NPSR1: variants seen among roughly 807,000 people sequenced by gnomAD.
NPSR1 encodes the protein neuropeptide S receptor.
NPSR1 carries 48 observed loss-of-function variants against 46.9 expected under a neutral mutation model. The observed-to-expected ratio is 1.02, with a 90% confidence interval of 0.81 to 1.30. The LOEUF (loss-of-function observed/expected upper bound fraction) is 1.30, where lower values mean the gene tolerates loss of function less well. Among genes scored for constraint, NPSR1 ranks in the 50% most tolerant of loss-of-function variants. The pLI is 0.00. For missense variants in NPSR1, 450 were observed against 449.5 expected (o/e 1.00, Z -0.01); for synonymous variants, 176 against 168.1 (o/e 1.05, Z -0.36).
intron 8 of NPSR1, among the ~76,000 whole-genome samples, chr7:34,872,788 C>G: frequency 6.6e-6 from 1 of 151,734 alleles, no homozygotes; most frequent in East Asian, 1.9e-4. Context: ...CCCCATGATT[C>G]AATTATCTCA....
At chr7:34,774,224 C>A (rs1367369310) in intron 2 of NPSR1, among the ~76,000 whole-genome samples, 2 of 152,178 alleles carry the variant, frequency 1.3e-5, no homozygotes, top group Admixed American at 6.5e-5. Context: ...AAGGAACTAA[C>A]CCATTGTCAG....
intron 3 of NPSR1, among the ~76,000 whole-genome samples, chr7:34,787,388 T>G (rs1787513147): frequency 6.6e-6 from 1 of 152,154 alleles, no homozygotes; most frequent in African/African-American, 2.4e-5. Context: ...TTGCAACTAG[T>G]TTGATCATAT....
intron 2 of NPSR1, among the ~76,000 whole-genome samples, chr7:34,729,533 CTG>C (rs1412512937): frequency 2.0e-5 from 3 of 151,648 alleles, no homozygotes; most frequent in Non-Finnish European, 2.9e-5. Flanking sequence ...AAAGATATAA[CTG>C]AAAAAATGAA....
At chr7:34,718,527 G>T (rs1021707145) in intron 2 of NPSR1, among the ~76,000 whole-genome samples, 3 of 152,214 alleles carry the variant, frequency 2.0e-5, no homozygotes, top group Non-Finnish European at 4.4e-5. Flanking sequence ...GGGCTGTTCT[G>T]ATATGATCCA....
intron 3 of NPSR1, among the ~76,000 whole-genome samples, chr7:34,795,179 A>G (rs921579239): frequency 6.6e-6 from 1 of 152,230 alleles, no homozygotes; most frequent in Admixed American, 6.6e-5. Flanking sequence ...GATTATAACA[A>G]CAGATTTTTA....
At position 34,828,815 on chromosome 7, in the gene NPSR1, CA is replaced by C. The variant is rs1789982416; in HGVS notation, c.680+1215del. 2.6e-5 allele frequency among the ~76,000 whole-genome samples: 4 copies of C among 152,154 alleles called. 1 individual carries two copies. The South Asian group carries it at 8.3e-4, about 31-fold the overall frequency. On this transcript the variant is annotated intron_variant, in intron 5 of 8. Transcript: ENST00000360581. Reference sequence around the variant, plus strand: ...TTTTAAAACTTTTGATGCAGAGTCACAAGCTGCCCTTGAGAAAAGCTGTATT... The same window carrying C: ...TTTTAAAACTTTTGATGCAGAGTCACAGCTGCCCTTGAGAAAAGCTGTATT...
chr7:34,763,918 T>A (rs990858570), intron 2 of NPSR1, among the ~76,000 whole-genome samples: 1 of 152,006 alleles, frequency 6.6e-6, no homozygotes, highest in Non-Finnish European at 1.5e-5. Flanking sequence ...AAGACTTGAC[T>A]TTTTTTTAGT....
At chr7:34,739,094 AT>A (rs1458627142) in intron 2 of NPSR1, among the ~76,000 whole-genome samples, 3 of 152,240 alleles carry the variant, frequency 2.0e-5, no homozygotes, top group Admixed American at 2.0e-4. Context: ...TGGCTGAAAA[AT>A]AATACTCCAT....
chr7:34,779,822 A>T (rs1787153155), intron 3 of NPSR1: 1 of 224,186 alleles, frequency 4.5e-6, no homozygotes, highest in African/African-American at 2.3e-5. Context: ...TTAAAACAAT[A>T]AACATTTATT....
At chr7:34,864,385 G>GA (rs919838415) in intron 8 of NPSR1, among the ~76,000 whole-genome samples, 19 of 135,518 alleles carry the variant, frequency 1.4e-4, no homozygotes, top group East Asian at 6.5e-4. Flanking sequence ...AAAAAAAAAA[G>GA]AAAAAAAAAA....
chr7:34,734,513 T>C (rs1399138338), intron 2 of NPSR1, among the ~76,000 whole-genome samples: 1 of 152,062 alleles, frequency 6.6e-6, no homozygotes, highest in African/African-American at 2.4e-5. Context: ...CACTAAGGTA[T>C]AAGTTCCTCA....
At chr7:34,851,956 T>G (rs964060238), downstream of NPSR1, among the ~76,000 whole-genome samples, 2 of 152,180 alleles carry the variant, frequency 1.3e-5, no homozygotes, top group Admixed American at 6.5e-5. Context: ...AATTGTCATT[T>G]CCATGTATTT....
In NPSR1 at chr7:34,660,760, T is replaced by C. The variant is rs144356915; in HGVS notation, c.147+2201T>C. 4.1e-3 allele frequency among the ~76,000 whole-genome samples: 631 copies of C among 152,286 alleles called. 5 individuals carry two copies. Among genetic ancestry groups the C allele is most frequent in the African/African-American group, 0.015 (622 of 41,564 alleles). On this transcript the variant is annotated intron_variant, in intron 1 of 8. Transcript: ENST00000360581. ...ATCCATGGTGTATCTTTCCTTCCGG[T>C]CCTGCCTTCCATCTTCATCTGTTTA...
intron 8 of NPSR1, among the ~76,000 whole-genome samples, chr7:34,858,825 C>T (rs1297070612): frequency 2.0e-5 from 3 of 151,686 alleles, no homozygotes; most frequent in East Asian, 3.8e-4. Flanking sequence ...GTCCCTTCCA[C>T]AACATGTGGG....
rs1368880332 is a variant in NPSR1 at position 34,822,219 on chromosome 7, AGC to A, written c.479-5181_479-5180del. ...AACGCGGGAGTCATTTTAGTACCGC[AGC>A]TTGTCAGAATTTAAGGGCAGCTGAG... On this transcript the variant is annotated intron_variant, in intron 4 of 8. Coordinates refer to ENST00000360581, the MANE Select transcript of NPSR1 (RefSeq NM_207172.2). 3.3e-5 allele frequency among the ~76,000 whole-genome samples: 5 copies of A among 152,310 alleles called. No individual in the cohort carries two copies. In the East Asian group the frequency reaches 9.6e-4, roughly 29 times the overall value.
chr7:34,686,508 T>A (rs182713771), intron 2 of NPSR1, among the ~76,000 whole-genome samples: 105 of 152,290 alleles, frequency 6.9e-4, no homozygotes, highest in African/African-American at 2.5e-3. Context: ...TGAGGGGCCC[T>A]GTGCTTTGAG....
intron 2 of NPSR1, among the ~76,000 whole-genome samples, chr7:34,774,539 A>T (rs1424053746): frequency 6.6e-6 from 1 of 152,202 alleles, no homozygotes; most frequent in Non-Finnish European, 1.5e-5. Context: ...CAGCTGTTCC[A>T]TCTTGACCAA....
intron 5 of NPSR1, among the ~76,000 whole-genome samples, chr7:34,828,619 T>C (rs1017050872): frequency 6.6e-6 from 1 of 152,336 alleles, no homozygotes. Flanking sequence ...TAGTGTGTCA[T>C]ATAACACATT....
chr7:34,743,994 G>A (rs1172255266), intron 2 of NPSR1, among the ~76,000 whole-genome samples: 2 of 152,102 alleles, frequency 1.3e-5, no homozygotes. Context: ...TTTACATTAG[G>A]TCAAGTTTGT....
Sources: allele counts gnomAD v4.1 joint callset (sites outside exome capture counted in the v4.1 genomes callset), GRCh38; gene constraint gnomAD v4.1.1; transcripts MANE v1.5; gene names NCBI Gene and HGNC (gene_info 2026-07-23, HGNC 2026-07-21).